The following ROBO2 variants were observed in gnomAD, a reference collection of about 807,000 sequenced individuals.
ROBO2 encodes the protein roundabout homolog 2.
In ROBO2, 53 loss-of-function variants were observed where a neutral mutation model predicts 160.8. The observed-to-expected ratio is 0.33, with a 90% CI of 0.26 to 0.41. ROBO2 has a LOEUF of 0.41. ROBO2 is among the 10% of genes least tolerant of loss of function. The probability of loss-of-function intolerance (pLI) is 1.00; values close to 1 mark genes in which losing one functional copy is unlikely to be tolerated. For missense variants in ROBO2, 1,577 were observed against 1,722.4 expected, an observed-to-expected ratio of 0.92 and a Z score of 1.49; for synonymous variants, 664 against 611.7, an observed-to-expected ratio of 1.09 and a Z score of -1.26.
intron 2 of ROBO2, among the ~76,000 whole-genome samples, chr3:76,452,196 C>CT (rs1314509446): frequency 6.6e-6 from 1 of 151,870 alleles, no homozygotes; most frequent in Non-Finnish European, 1.5e-5. Flanking sequence ...TATTATTATA[C>CT]TTTAAGTTTT....
At chr3:77,589,797 C>G (rs998833789) in intron 17 of ROBO2, among the ~76,000 whole-genome samples, 3 of 152,080 alleles carry the variant, frequency 2.0e-5, no homozygotes, top group African/African-American at 4.8e-5. Flanking sequence ...TCTCCAACAA[C>G]AATGATAAGA....
chr3:76,997,077 A>T (rs1000331423), intron 2 of ROBO2, among the ~76,000 whole-genome samples: 1 of 152,170 alleles, frequency 6.6e-6, no homozygotes, highest in Non-Finnish European at 1.5e-5. Flanking sequence ...AAATTATTTC[A>T]GTATTTTAAA....
intron 2 of ROBO2, among the ~76,000 whole-genome samples, chr3:77,334,272 T>G (rs2066262301): frequency 2.6e-5 from 4 of 152,064 alleles, no homozygotes; most frequent in Non-Finnish European, 5.9e-5. Context: ...AAACAATACA[T>G]CAGTCGTGTA....
rs745596737 is a variant in ROBO2 at position 77,622,292 on chromosome 3, C to G, written c.3620C>G (p.Ala1207Gly). 36 of 1,614,006 alleles carry G rather than the reference C, an allele frequency of 2.2e-5. No individual in the cohort carries two copies. The African/African-American group carries it at 2.9e-4, about 13-fold the overall frequency. The change falls in exon 23 of 26, where the codon GCC (alanine) becomes GGC (glycine). Residue 1207 changes from alanine to glycine, a missense_variant. This residue lies in a region of ROBO2 where 637 missense variants were observed against 586.9 expected (regional missense o/e 1.09). Transcript: ENST00000461745. ...CCACCGTTAGGTTATGTGTCTGGAG[C>G]CTTGATTTCTGATTTGGAAACGGAT... is the stretch of plus-strand genomic sequence containing the variant.
chr3:76,531,524 A>C (rs2082223638), intron 2 of ROBO2, among the ~76,000 whole-genome samples: 1 of 151,908 alleles, frequency 6.6e-6, no homozygotes, highest in African/African-American at 2.4e-5. Context: ...ATATGACATA[A>C]AACTTACATC....
chr3:77,309,690 G>A (rs2063381790), intron 2 of ROBO2, among the ~76,000 whole-genome samples: 1 of 152,224 alleles, frequency 6.6e-6, no homozygotes, highest in Non-Finnish European at 1.5e-5. Context: ...TGCCCTGTCT[G>A]CAAAGGCAAA....
At chr3:76,236,220 G>A (rs919091827) in intron 2 of ROBO2, among the ~76,000 whole-genome samples, 1 of 151,964 alleles carries the variant, frequency 6.6e-6, no homozygotes, top group Admixed American at 6.6e-5. Flanking sequence ...GATGTATTCA[G>A]TTTTAAAGTG....
chr3:76,549,044 C>T (rs948478784), intron 2 of ROBO2, among the ~76,000 whole-genome samples: 2 of 151,758 alleles, frequency 1.3e-5, no homozygotes, highest in African/African-American at 4.8e-5. Context: ...TTCAGAATTC[C>T]CTGAAAAAGT....
At chr3:76,042,743 A>G (rs2067311223) in intron 2 of ROBO2, among the ~76,000 whole-genome samples, 1 of 152,046 alleles carries the variant, frequency 6.6e-6, no homozygotes, top group Admixed American at 6.5e-5. Context: ...GATGTTACCC[A>G]TAGATTTCAG....
intron 2 of ROBO2, among the ~76,000 whole-genome samples, chr3:76,745,757 T>G (rs915687923): frequency 1.3e-5 from 2 of 151,660 alleles, no homozygotes; most frequent in East Asian, 1.9e-4. Context: ...TCTGAGTAAC[T>G]CTCTTCTAAA....
intron 2 of ROBO2, among the ~76,000 whole-genome samples, chr3:76,256,807 A>G (rs558401594): frequency 1.3e-5 from 2 of 152,234 alleles, no homozygotes; most frequent in South Asian, 2.1e-4. Flanking sequence ...TGCAGGCTTC[A>G]TAGGAAGCAT....
At chr3:76,158,719 A>G (rs1158848964) in intron 2 of ROBO2, among the ~76,000 whole-genome samples, 2 of 152,022 alleles carry the variant, frequency 1.3e-5, no homozygotes, top group African/African-American at 2.4e-5. Flanking sequence ...TCCTTTCTGG[A>G]AGGTGGCAGT....
chr3:76,478,229 C>T (rs1273065601), intron 2 of ROBO2, among the ~76,000 whole-genome samples: 2 of 135,330 alleles, frequency 1.5e-5, no homozygotes, highest in African/African-American at 5.5e-5. Context: ...CTTCCTGTGT[C>T]CATGTGTTCT....
At chr3:76,794,687 G>T (rs927659518) in intron 2 of ROBO2, among the ~76,000 whole-genome samples, 1 of 151,904 alleles carries the variant, frequency 6.6e-6, no homozygotes, top group African/African-American at 2.4e-5. Flanking sequence ...TATAAAATAT[G>T]CCCAGACTAA....
intron 19 of ROBO2, among the ~76,000 whole-genome samples, chr3:77,601,386 A>G (rs2153692000): frequency 6.6e-6 from 1 of 152,276 alleles, no homozygotes; most frequent in African/African-American, 2.4e-5. Flanking sequence ...CCAAAAAGGG[A>G]AAATAAGAGC....
intron 2 of ROBO2, among the ~76,000 whole-genome samples, chr3:76,260,991 A>G (rs1374189386): frequency 6.6e-6 from 1 of 152,038 alleles, no homozygotes; most frequent in African/African-American, 2.4e-5. Flanking sequence ...GGGCTTCAAG[A>G]CTAATTTTTG....
intron 1 of ROBO2, among the ~76,000 whole-genome samples, chr3:75,925,542 AG>A (rs1947261345): frequency 6.6e-6 from 1 of 152,240 alleles, no homozygotes; most frequent in African/African-American, 2.4e-5. Context: ...TAGAAGCGTT[AG>A]TAATTTTAGC....
chr3:76,187,672 G>T (rs1701828462), intron 2 of ROBO2, among the ~76,000 whole-genome samples: 1 of 152,076 alleles, frequency 6.6e-6, no homozygotes, highest in Non-Finnish European at 1.5e-5. Context: ...CCAGAAACAG[G>T]ATTGATTTTA....
chr3:77,244,304 G>C (rs1378261007), intron 2 of ROBO2, among the ~76,000 whole-genome samples: 1 of 152,172 alleles, frequency 6.6e-6, no homozygotes, highest in Non-Finnish European at 1.5e-5. Context: ...CATATTGTAA[G>C]ATATCAGAAG....
Sources: gnomAD v4.1 joint callset for allele counts (sites outside exome capture counted in the v4.1 genomes callset) on GRCh38, gnomAD v4.1.1 for gene constraint, gnomAD v4.1.1 regional missense constraint, MANE v1.5 for transcripts, NCBI Gene and HGNC (gene_info 2026-07-23, HGNC 2026-07-21) for gene names.